Variants in PCNX1 observed in about 807,000 individuals in gnomAD.
PCNX1 encodes the protein pecanex-like protein 1.
In PCNX1, 78 loss-of-function variants were observed where a neutral mutation model predicts 242.2. That is an observed-to-expected ratio of 0.32 (90% CI 0.27 to 0.39). The LOEUF is 0.39. PCNX1 is among the 10% of genes least tolerant of loss of function. The pLI, the probability that PCNX1 is intolerant of heterozygous loss-of-function variation, is 1.00. For synonymous variants in PCNX1, 1,024 were observed against 1,032.9 expected, an observed-to-expected ratio of 0.99 and a Z score of 0.17; for missense variants, 2,581 against 2,856.5, an observed-to-expected ratio of 0.90 and a Z score of 2.20.
At chr14:70,959,759 T>A (rs2058137260) in intron 2 of PCNX1, among the ~76,000 whole-genome samples, 1 of 150,140 alleles carries the variant, frequency 6.7e-6, no homozygotes, top group Non-Finnish European at 1.5e-5. Flanking sequence ...ATGGAATGGC[T>A]GGGTCAAATG....
intron 1 of PCNX1, among the ~76,000 whole-genome samples, chr14:70,932,683 G>T (rs1048604678): frequency 6.6e-6 from 1 of 151,810 alleles, no homozygotes; most frequent in African/African-American, 2.4e-5. Flanking sequence ...TGCAATCTTG[G>T]CTCACTGCAA....
chr14:71,030,799 T>C (rs2060359905), intron 16 of PCNX1, among the ~76,000 whole-genome samples: 1 of 152,176 alleles, frequency 6.6e-6, no homozygotes, highest in Admixed American at 6.5e-5. Context: ...CCTGCTTACG[T>C]CCAGGAATTT....
At chr14:71,003,450 T>A (rs897358609) in intron 8 of PCNX1, among the ~76,000 whole-genome samples, 3 of 152,180 alleles carry the variant, frequency 2.0e-5, no homozygotes, top group African/African-American at 7.2e-5. Context: ...AAATACAACT[T>A]ATTTGTCAGA....
At chr14:70,966,252 A>C (rs1209760949) in intron 3 of PCNX1, among the ~76,000 whole-genome samples, 1 of 152,220 alleles carries the variant, frequency 6.6e-6, no homozygotes, top group African/African-American at 2.4e-5. Flanking sequence ...TGTTTTTGTC[A>C]ACAAGTAATA....
chr14:70,979,726 C>G (rs1443920729), intron 6 of PCNX1, among the ~76,000 whole-genome samples: 1 of 151,966 alleles, frequency 6.6e-6, no homozygotes. Flanking sequence ...TAATTTCACC[C>G]GAAGTATTTT....
chr14:70,987,033 A>G (rs1206902247), intron 6 of PCNX1, among the ~76,000 whole-genome samples: 1 of 152,040 alleles, frequency 6.6e-6, no homozygotes, highest in African/African-American at 2.4e-5. Context: ...TCTTCCCTCA[A>G]TTGGCTTGTT....
intron 30 of PCNX1, among the ~76,000 whole-genome samples, chr14:71,099,812 T>C (rs2062414336): frequency 6.6e-6 from 1 of 152,254 alleles, no homozygotes; most frequent in Non-Finnish European, 1.5e-5. Flanking sequence ...AATTGAACTT[T>C]CTATCATTAG....
chr14:70,953,515 A>G (rs1312676405), intron 2 of PCNX1, among the ~76,000 whole-genome samples: 2 of 151,330 alleles, frequency 1.3e-5, no homozygotes, highest in South Asian at 2.1e-4. Flanking sequence ...TTTATTAGTT[A>G]TGTATATATT....
intron 26 of PCNX1, among the ~76,000 whole-genome samples, chr14:71,073,174 T>C (rs1033241994): frequency 7.9e-5 from 12 of 152,250 alleles, no homozygotes; most frequent in South Asian, 4.1e-4. Context: ...ATGCCTGTAA[T>C]ACCAGCTCCT....
At chr14:70,989,921 G>A (rs1462232439) in intron 7 of PCNX1, among the ~76,000 whole-genome samples, 1 of 152,156 alleles carries the variant, frequency 6.6e-6, no homozygotes, top group Admixed American at 6.5e-5. Flanking sequence ...TGTCCCAAAA[G>A]TACCATTTTA....
At position 71,108,787 on chromosome 14, in the gene PCNX1, C is replaced by T. The variant is rs1038416125; in HGVS notation, c.6485C>T (p.Pro2162Leu). ...AGTCAGATATCGCTTCGAAACTTGC[C>T]ATCATCCATCCAATCCCGACTGTCG... is the stretch of plus-strand genomic sequence containing the variant. ...STSQISLRNL[P>L]SSIQSRLSMV... Residue 2162 changes from proline (P) to leucine (L), a missense_variant, in exon 34 of 36, where the codon CCA (proline) becomes CTA (leucine). Transcript: ENST00000304743. The T allele has an allele frequency of 6.2e-7, 1 of 1,614,134 alleles. No individual in the cohort carries two copies. Among genetic ancestry groups the T allele is most frequent in the African/African-American group, 1.3e-5 (1 of 74,954 alleles).
chr14:71,048,353 A>G (rs917836502), intron 22 of PCNX1, among the ~76,000 whole-genome samples: 4 of 152,200 alleles, frequency 2.6e-5, no homozygotes, highest in African/African-American at 9.6e-5. Context: ...GAGGCTGAGG[A>G]GACTGAGGCT....
At chr14:71,092,160 G>T (rs76933249) in intron 30 of PCNX1, among the ~76,000 whole-genome samples, 1 of 152,230 alleles carries the variant, frequency 6.6e-6, no homozygotes, top group African/African-American at 2.4e-5. Context: ...CCACCATTCC[G>T]AGATAAGTGA....
At chr14:71,029,586 A>G (rs1297640659) in intron 16 of PCNX1, among the ~76,000 whole-genome samples, 1 of 152,222 alleles carries the variant, frequency 6.6e-6, no homozygotes, top group African/African-American at 2.4e-5. Flanking sequence ...GGTTATGAAA[A>G]CAGTTCTGTG....
intron 17 of PCNX1, 113 bp from the exon 18 acceptor site, chr14:71,033,818 A>G: frequency 1.5e-6 from 1 of 656,880 alleles, no homozygotes; most frequent in Non-Finnish European, 2.7e-6. Flanking sequence ...TCATTTGGTA[A>G]TGATTAAATA....
rs938252443 is a variant in PCNX1, at chr14:71,111,523, C to T, written c.*1588C>T. The T allele has an allele frequency of 6.6e-6, 1 of 152,218 alleles. No homozygotes were observed. 9.4% of individuals were successfully genotyped at this position (152,218 alleles called of 1,614,324 possible). The stretch of plus-strand genomic sequence containing the variant: ...CTCAATAGCTACATGTACCTAGTGG[C>T]TACTGTATTAGACAGTACAGATTTA... On this transcript the variant is annotated 3_prime_UTR_variant, in exon 36 of 36. Transcript: ENST00000304743.
intron 7 of PCNX1, 106 bp from the exon 8 acceptor site, chr14:70,995,635 G>T: frequency 1.1e-6 from 1 of 928,302 alleles, no homozygotes. Context: ...AGGTTATGTT[G>T]AAAAAAAGTG....
intron 5 of PCNX1, among the ~76,000 whole-genome samples, chr14:70,974,064 G>GT (rs544807552): frequency 0.013 from 1,844 of 140,270 alleles, 13 homozygotes; most frequent in Non-Finnish European, 0.016. Context: ...ATTATATGTG[G>GT]TTTTTTTTTT....
intron 1 of PCNX1, among the ~76,000 whole-genome samples, chr14:70,936,321 C>T (rs1171922472): frequency 6.7e-6 from 1 of 149,290 alleles, no homozygotes; most frequent in Non-Finnish European, 1.5e-5. Context: ...TGATGTTCCC[C>T]ACCCTGTGTC....
Sources: allele counts gnomAD v4.1 joint callset (sites outside exome capture counted in the v4.1 genomes callset), GRCh38; gene constraint gnomAD v4.1.1; transcripts MANE v1.5; gene names NCBI Gene and HGNC (gene_info 2026-07-23, HGNC 2026-07-21).